RGS6: variants seen among roughly 807,000 people sequenced by gnomAD.
The protein encoded by RGS6 is regulator of G protein signaling 6.
A neutral mutation model predicts 78.5 loss-of-function variants in RGS6; 30 were observed. The ratio of observed to expected loss-of-function variants is 0.38; its 90% CI spans 0.29 to 0.52. The LOEUF (loss-of-function observed/expected upper bound fraction) is 0.52. Among genes scored for constraint, RGS6 ranks in the 20% least tolerant of loss-of-function variants. RGS6 has a pLI of 0.85. For synonymous variants in RGS6, 206 were observed against 206.0 expected, an observed-to-expected ratio of 1.00 and a Z score of 0.00; for missense variants, 495 against 609.7, an observed-to-expected ratio of 0.81 and a Z score of 1.98.
At chr14:72,177,840 A>T (rs1372917212) in intron 2 of RGS6, among the ~76,000 whole-genome samples, 1 of 152,238 alleles carries the variant, frequency 6.6e-6, no homozygotes, top group Non-Finnish European at 1.5e-5. Context: ...AGCCCAGTTT[A>T]CTTCATGCTG....
intron 2 of RGS6, among the ~76,000 whole-genome samples, chr14:71,996,778 A>G (rs2095222448): frequency 7.1e-6 from 1 of 141,840 alleles, no homozygotes; most frequent in Non-Finnish European, 1.5e-5. Flanking sequence ...TGTGGGAGGT[A>G]GGGGAGGAAG....
chr14:71,887,237 C>G, the RGS6 span, among the ~76,000 whole-genome samples: 4 of 152,114 alleles, frequency 2.6e-5, no homozygotes, highest in African/African-American at 9.7e-5. Flanking sequence ...TGTACGTCAC[C>G]TCAGGACCAC....
intron 2 of RGS6, among the ~76,000 whole-genome samples, chr14:72,323,582 ACCTGAGGTCAGGAGTTCGTGAC>A (rs1042444881): frequency 6.6e-6 from 1 of 151,758 alleles, no homozygotes; most frequent in Non-Finnish European, 1.5e-5. Flanking sequence ...TAGTCCGGGT[ACCTGAGGTCAGGAGTTCGTGAC>A]CTGCCTGGCC....
intron 2 of RGS6, among the ~76,000 whole-genome samples, chr14:71,982,717 G>T (rs1454031455): frequency 6.6e-6 from 1 of 152,236 alleles, no homozygotes. Context: ...AGAACAAGCA[G>T]CTCCAATTGC....
At chr14:72,261,162 G>A (rs1454007026) in intron 2 of RGS6, among the ~76,000 whole-genome samples, 1 of 152,188 alleles carries the variant, frequency 6.6e-6, no homozygotes, top group Non-Finnish European at 1.5e-5. Context: ...ACCCTGTGAA[G>A]GTCCCAGGAT....
rs533356710 is a variant in RGS6, at chr14:72,164,255, C to T, written c.85-187840C>T. Among the ~76,000 whole-genome samples, 193 of 152,246 alleles carry T rather than the reference C, an allele frequency of 1.3e-3. 2 individuals are homozygous for T. Among genetic ancestry groups the T allele is most frequent in the Non-Finnish European group, 4.6e-4 (31 of 68,016 alleles). On this transcript the variant is annotated intron_variant, in intron 2 of 17. Coordinates refer to ENST00000553525, the MANE Select transcript of RGS6 (RefSeq NM_001204424.2). Reference sequence around the variant, plus strand: ...GGAGAGGGAAGGCATCTCTGCCTTCCAGGGACAAAGTTTCAGAACTGTACT... The same window carrying T: ...GGAGAGGGAAGGCATCTCTGCCTTCTAGGGACAAAGTTTCAGAACTGTACT...
intron 2 of RGS6, among the ~76,000 whole-genome samples, chr14:72,115,485 C>T (rs1477979614): frequency 6.6e-6 from 1 of 152,096 alleles, no homozygotes; most frequent in Non-Finnish European, 1.5e-5. Context: ...AGGCGACTTC[C>T]AGGAGAAGCC....
At chr14:72,091,752 A>G (rs936443869) in intron 2 of RGS6, among the ~76,000 whole-genome samples, 3 of 152,182 alleles carry the variant, frequency 2.0e-5, no homozygotes, top group African/African-American at 7.2e-5. Context: ...CGTTTTCTGC[A>G]GGCTCCTGTC....
intron 2 of RGS6, among the ~76,000 whole-genome samples, chr14:72,342,565 T>TAAAAA (rs369765140): frequency 6.4e-4 from 86 of 133,496 alleles, no homozygotes; most frequent in African/African-American, 2.2e-3. Context: ...GACTCTGTCT[T>TAAAAA]AAAAAAAAAA....
intron 3 of RGS6, among the ~76,000 whole-genome samples, chr14:72,439,558 T>C (rs1428915097): frequency 6.6e-6 from 1 of 152,214 alleles, no homozygotes; most frequent in Non-Finnish European, 1.5e-5. Context: ...AAAGCTTAGC[T>C]CTACAAGGCT....
chr14:72,498,974 C>T (rs1239226038), intron 13 of RGS6, among the ~76,000 whole-genome samples: 1 of 152,174 alleles, frequency 6.6e-6, no homozygotes, highest in Non-Finnish European at 1.5e-5. Context: ...AGATTGGGCC[C>T]TCTCTTACAG....
intron 2 of RGS6, among the ~76,000 whole-genome samples, chr14:72,067,975 T>C (rs912545442): frequency 2.6e-5 from 4 of 152,168 alleles, no homozygotes; most frequent in Non-Finnish European, 5.9e-5. Context: ...GATTCATGTG[T>C]GCGTTAAAGA....
At chr14:72,184,335 T>C (rs1210977808) in intron 2 of RGS6, among the ~76,000 whole-genome samples, 1 of 150,826 alleles carries the variant, frequency 6.6e-6, no homozygotes, top group Non-Finnish European at 1.5e-5. Context: ...ACAAAGTGAT[T>C]TCTTGTTCAT....
rs577708238 is a variant in RGS6 at position 72,092,052 on chromosome 14, C to G, written c.84+127177C>G. 1.3e-4 allele frequency among the ~76,000 whole-genome samples: 19 copies of G among 147,508 alleles called. No individual in the cohort carries two copies. The Middle Eastern group carries it at 0.011, about 84-fold the overall frequency. ...TTTTGTTTTGTTTTTGAGACAGTCTCTCTCTCTCTGCTGCCCAGGCTGGAG... is the reference window on the plus strand; with the variant it reads ...TTTTGTTTTGTTTTTGAGACAGTCTGTCTCTCTCTGCTGCCCAGGCTGGAG... On this transcript the variant is annotated intron_variant, in intron 2 of 17. Transcript: ENST00000553525.
intron 2 of RGS6, among the ~76,000 whole-genome samples, chr14:72,140,282 C>T (rs2096521473): frequency 6.6e-6 from 1 of 152,214 alleles, no homozygotes; most frequent in Non-Finnish European, 1.5e-5. Flanking sequence ...AACTATACCC[C>T]TATTACTATT....
intron 7 of RGS6, among the ~76,000 whole-genome samples, chr14:72,468,311 G>A (rs1053348687): frequency 1.3e-5 from 2 of 151,926 alleles, no homozygotes; most frequent in Non-Finnish European, 2.9e-5. Flanking sequence ...CCTGGGAGGC[G>A]GAGGTTGTGA....
At chr14:72,224,274 G>C (rs2047565792) in intron 2 of RGS6, among the ~76,000 whole-genome samples, 2 of 152,052 alleles carry the variant, frequency 1.3e-5, no homozygotes, top group South Asian at 4.1e-4. Context: ...GCAAAAATTA[G>C]CCAGGTGTGG....
chr14:71,880,433 T>TAA, the RGS6 span, among the ~76,000 whole-genome samples: 6 of 152,184 alleles, frequency 3.9e-5, no homozygotes, highest in Admixed American at 6.5e-5. Context: ...GCCCCTCCTA[T>TAA]CACAGGCTCA....
intron 16 of RGS6, chr14:72,537,751 C>A (rs755148709): frequency 2.4e-5 from 14 of 587,660 alleles, no homozygotes; most frequent in African/African-American, 5.6e-5. Context: ...GGCTCAAGAC[C>A]CCTGATCTGA....
Sources: gnomAD v4.1 joint callset for allele counts (sites outside exome capture counted in the v4.1 genomes callset) on GRCh38, gnomAD v4.1.1 for gene constraint, MANE v1.5 for transcripts, NCBI Gene and HGNC (gene_info 2026-07-23, HGNC 2026-07-21) for gene names.